Variants in RYK observed in about 807,000 individuals in gnomAD.
RYK encodes the protein inactive tyrosine-protein kinase RYK.
In RYK, 21 loss-of-function variants were observed where a neutral mutation model predicts 70.2. That is an observed-to-expected ratio of 0.30 (90% confidence interval 0.21 to 0.43). RYK has a LOEUF of 0.43. Ranked by LOEUF, RYK falls within the 20% of genes least tolerant of loss-of-function variation. The pLI, the probability that RYK is intolerant of heterozygous loss-of-function variation, is 1.00. For missense variants in RYK, 604 were observed against 753.3 expected (o/e 0.80, Z 2.32); for synonymous variants, 267 against 278.0 (o/e 0.96, Z 0.39).
At position 134,211,577 on chromosome 3, in the gene RYK, T is replaced by C; in HGVS notation, c.385A>G (p.Asn129Asp). Residue 129 changes from asparagine to aspartate, a missense_variant, in exon 3 of 15, where the codon AAT becomes GAT. Coordinates refer to ENST00000623711, the MANE Select transcript of RYK (RefSeq NM_002958.4). Reference sequence around the variant, plus strand: ...TGGGGCATATCCATTGCCAAAACATTGTCCACTTGGAATCCCAGCTTATAT... The same window carrying C: ...TGGGGCATATCCATTGCCAAAACATCGTCCACTTGGAATCCCAGCTTATAT... Reference protein sequence around the residue: ...VEYKLGFQVDNVLAMDMPQVN... With the variant: ...VEYKLGFQVDDVLAMDMPQVN... The C allele has an allele frequency of 1.2e-6, 2 of 1,613,696 alleles. No homozygotes were observed. The highest frequency in any genetic ancestry group is 1.7e-6 in the Non-Finnish European group (2 of 1,179,706).
chr3:134,162,870 C>G (rs1282363822), intron 13 of RYK, among the ~76,000 whole-genome samples: 1 of 152,170 alleles, frequency 6.6e-6, no homozygotes, highest in Non-Finnish European at 1.5e-5. Flanking sequence ...ATGATCCATT[C>G]AAACTAGATT....
At chr3:134,218,484 G>A (rs1576526733) in intron 2 of RYK, among the ~76,000 whole-genome samples, 2 of 152,294 alleles carry the variant, frequency 1.3e-5, no homozygotes, top group South Asian at 2.1e-4. Flanking sequence ...TGACACAGCT[G>A]GAGAAGAGGT....
intron 8 of RYK, among the ~76,000 whole-genome samples, chr3:134,189,489 C>T (rs559219710): frequency 4.8e-4 from 73 of 152,034 alleles, no homozygotes; most frequent in African/African-American, 1.6e-3. Flanking sequence ...AGAGGCTGCG[C>T]GCGGCTCACG....
chr3:134,217,684 C>T (rs923898214), intron 2 of RYK, among the ~76,000 whole-genome samples: 1 of 152,112 alleles, frequency 6.6e-6, no homozygotes, highest in Non-Finnish European at 1.5e-5. Flanking sequence ...CTTATATACA[C>T]ACGAACTATT....
rs57016937 is a variant in RYK at position 134,189,740 on chromosome 3, C to CA, written c.1016-818dup. On this transcript the variant is annotated intron_variant, in intron 8 of 14. Coordinates refer to ENST00000623711, the MANE Select transcript of RYK (RefSeq NM_002958.4). ...CCTGGGCAACAGAACGAGACTCCGC[C>CA]AAAAAAAAAAAAAAAAAAAACAAAA... 4.1e-3 allele frequency among the ~76,000 whole-genome samples: 383 copies of CA among 92,628 alleles called. 5 individuals carry two copies. The highest frequency in any genetic ancestry group is 0.012 in the African/African-American group (275 of 23,336). 60.8% of individuals were successfully genotyped at this position (92,628 alleles called of 152,430 possible). A position where few individuals can be genotyped will look rare whatever the true frequency, so the allele number is the denominator to read the frequency against.
chr3:134,178,740 T>C (rs1157787464), intron 10 of RYK: 1 of 152,224 alleles, frequency 6.6e-6, no homozygotes, highest in African/African-American at 2.4e-5. Flanking sequence ...ATCCCGTTCC[T>C]ATTTTAATTT....
intron 2 of RYK, among the ~76,000 whole-genome samples, chr3:134,215,191 G>C (rs1219315113): frequency 6.6e-6 from 1 of 152,058 alleles, no homozygotes; most frequent in African/African-American, 2.4e-5. Flanking sequence ...TAAGCAGAGA[G>C]GGCCTGGCAA....
chr3:134,175,029 CT>C (rs2013049331), intron 13 of RYK, among the ~76,000 whole-genome samples: 1 of 152,170 alleles, frequency 6.6e-6, no homozygotes, highest in African/African-American at 2.4e-5. Context: ...CACAGCCTAT[CT>C]CCTAGTGTTA....
chr3:134,172,645 C>T (rs2108148611), intron 13 of RYK, among the ~76,000 whole-genome samples: 1 of 152,238 alleles, frequency 6.6e-6, no homozygotes, highest in African/African-American at 2.4e-5. Context: ...CTTTCTCTCC[C>T]TAAAAAAAAG....
intron 13 of RYK, among the ~76,000 whole-genome samples, chr3:134,162,525 G>T (rs1227722681): frequency 6.6e-6 from 1 of 152,102 alleles, no homozygotes; most frequent in South Asian, 2.1e-4. Flanking sequence ...CAGAGTCTTG[G>T]AGGCTACTGA....
intron 9 of RYK, among the ~76,000 whole-genome samples, chr3:134,186,092 A>G (rs2013449367): frequency 6.6e-6 from 1 of 152,222 alleles, no homozygotes; most frequent in African/African-American, 2.4e-5. Flanking sequence ...TTTTAAAAAC[A>G]AACACTTGCT....
intron 9 of RYK, among the ~76,000 whole-genome samples, chr3:134,188,382 G>A (rs927792648): frequency 2.6e-5 from 4 of 151,942 alleles, no homozygotes; most frequent in South Asian, 2.1e-4. Context: ...GGCTGGTCTC[G>A]AACTCCTGAC....
chr3:134,221,324 C>A (rs2014730652), intron 2 of RYK, among the ~76,000 whole-genome samples: 1 of 149,688 alleles, frequency 6.7e-6, no homozygotes, highest in Non-Finnish European at 1.5e-5. Context: ...CCTGCCTCAG[C>A]CTCCTGAGTA....
chr3:134,163,692 G>C (rs1381816111), intron 13 of RYK, among the ~76,000 whole-genome samples: 1 of 152,080 alleles, frequency 6.6e-6, no homozygotes, highest in Non-Finnish European at 1.5e-5. Context: ...ACAATGCAAG[G>C]CTCACTTCAG....
At chr3:134,231,635 CCT>C (rs1019535247) in intron 1 of RYK, among the ~76,000 whole-genome samples, 2 of 152,112 alleles carry the variant, frequency 1.3e-5, no homozygotes, top group African/African-American at 4.8e-5. Context: ...CACTAATACC[CCT>C]CTGACTTCCA....
intron 13 of RYK, among the ~76,000 whole-genome samples, chr3:134,165,472 T>C (rs921920744): frequency 2.6e-5 from 4 of 152,182 alleles, no homozygotes; most frequent in Non-Finnish European, 5.9e-5. Flanking sequence ...CCACTAAATA[T>C]GTTAGCTATA....
At chr3:134,174,510 G>A (rs141604816) in intron 13 of RYK, among the ~76,000 whole-genome samples, 15 of 152,282 alleles carry the variant, frequency 9.9e-5, no homozygotes, top group African/African-American at 3.6e-4. Flanking sequence ...AATTCTTACA[G>A]TTGAAGCTTA....
At chr3:134,196,067 C>T (rs2013801646) in intron 6 of RYK, among the ~76,000 whole-genome samples, 1 of 152,158 alleles carries the variant, frequency 6.6e-6, no homozygotes, top group Non-Finnish European at 1.5e-5. Context: ...ACTTGAAACA[C>T]TACACCATAT....
chr3:134,250,535 G>A lies in RYK; in HGVS notation c.120C>T (p.Pro40=), dbSNP rs2015589050. The change falls in exon 1 of 15, where the codon CCC becomes CCT. Residue 40 remains proline, a synonymous_variant. Transcript: ENST00000623711. ...LLLLALLPLL[P]APGAAAAPAP... is the part of the protein sequence containing the mutation. Reference sequence around the variant, plus strand: ...CGGGGGCGGCGGCAGCGCCAGGCGCGGGCAGCAGCGGCAACAGCGCAAGCA... The same window carrying A: ...CGGGGGCGGCGGCAGCGCCAGGCGCAGGCAGCAGCGGCAACAGCGCAAGCA... 1 of 1,172,650 alleles carries A rather than the reference G, an allele frequency of 8.5e-7. No individual in the cohort carries two copies. The highest frequency in any genetic ancestry group is 3.3e-4 in the Middle Eastern group (1 of 3,002). The allele number at this position is 1,172,650 out of a possible 1,614,324, so 72.6% of individuals were successfully genotyped here.
Sources: gnomAD v4.1 joint callset for allele counts (sites outside exome capture counted in the v4.1 genomes callset) on GRCh38, gnomAD v4.1.1 for gene constraint, MANE v1.5 for transcripts, NCBI Gene and HGNC (gene_info 2026-07-23, HGNC 2026-07-21) for gene names.